ABL2: variants seen among roughly 807,000 people sequenced by gnomAD.
ABL2 encodes the protein tyrosine-protein kinase ABL2.
ABL2 carries 49 observed loss-of-function variants against 107.7 expected under a neutral mutation model. The observed-to-expected ratio is 0.45, with a 90% confidence interval of 0.36 to 0.58. The LOEUF (loss-of-function observed/expected upper bound fraction) is 0.58. Among genes scored for constraint, ABL2 ranks in the 20% least tolerant of loss-of-function variants. The pLI, the probability that ABL2 is intolerant of heterozygous loss-of-function variation, is 0.00. For synonymous variants in ABL2, 549 were observed against 548.6 expected, an observed-to-expected ratio of 1.00 and a Z score of -0.01; for missense variants, 1,245 against 1,457.0, an observed-to-expected ratio of 0.85 and a Z score of 2.37.
intron 1 of ABL2, among the ~76,000 whole-genome samples, chr1:179,181,820 GC>G (rs1310071045): frequency 1.3e-5 from 2 of 150,892 alleles, no homozygotes; most frequent in Admixed American, 1.3e-4. Flanking sequence ...TCACTCTATT[GC>G]CCCGGCTGGA....
chr1:179,159,624 A>G lies in ABL2; in HGVS notation c.158-26250T>C, dbSNP rs536469353. On this transcript the variant is annotated intron_variant, in intron 1 of 11. Transcript: ENST00000502732. ...TTGAAGACTTCCTAAAATTTTGATT[A>G]ATAGCCATGGGCTGCTACACTGATT... Among the ~76,000 whole-genome samples, 13 of 152,330 alleles carry G rather than the reference A, an allele frequency of 8.5e-5. No individual in the cohort carries two copies. In the South Asian group the frequency reaches 2.7e-3, roughly 32 times the overall value.
chr1:179,151,369 TTAAG>T, intron 1 of ABL2, among the ~76,000 whole-genome samples: 1 of 152,362 alleles, frequency 6.6e-6, no homozygotes. Flanking sequence ...TCATTTCAGA[TTAAG>T]TAATCTCTTC....
chr1:179,161,785 A>T (rs1659085053), intron 1 of ABL2, among the ~76,000 whole-genome samples: 1 of 152,160 alleles, frequency 6.6e-6, no homozygotes, highest in Admixed American at 6.5e-5. Context: ...GTGTCCCCCA[A>T]AGTTTGTATG....
intron 1 of ABL2, among the ~76,000 whole-genome samples, 174 bp from the exon 2 acceptor site, chr1:179,133,548 C>T (rs1261929078): frequency 6.6e-6 from 1 of 152,210 alleles, no homozygotes; most frequent in Non-Finnish European, 1.5e-5. Flanking sequence ...CTTTAATATA[C>T]ACCATGCTGC....
intron 1 of ABL2, among the ~76,000 whole-genome samples, chr1:179,217,197 AG>A (rs765149256): frequency 2.7e-5 from 4 of 150,504 alleles, no homozygotes; most frequent in African/African-American, 4.9e-5. Flanking sequence ...AGGAGGCTGA[AG>A]CAGGAAAATC....
Position 179,107,794 on chromosome 1 carries a change from C to A in ABL2, c.3473G>T (p.Gly1158Val), listed in dbSNP as rs760140461. Residue 1158 changes from glycine to valine, a missense_variant, in exon 12 of 12, where the codon GGT becomes GTT. Gly to Val is a moderately radical substitution (Grantham distance 109). Transcript: ENST00000502732. ...QELQVSSAAA[G>V]VPGTNPVLNN... ...AAGGACAGGGTTTGTCCCGGGCACA[C>A]CAGCAGCTGCTGAAGAAACCTGTAG... The A allele has an allele frequency of 4.1e-5, 66 of 1,614,102 alleles. No homozygotes were observed. The highest frequency in any genetic ancestry group is 5.4e-5 in the Non-Finnish European group (64 of 1,180,052).
At chr1:179,200,853 G>A (rs1431808391) in intron 1 of ABL2, among the ~76,000 whole-genome samples, 2 of 152,216 alleles carry the variant, frequency 1.3e-5, no homozygotes, top group Non-Finnish European at 2.9e-5. Flanking sequence ...CCAGGCGCAA[G>A]TGTCCAAGTC....
Position 179,126,803 on chromosome 1 carries a change from T to C in ABL2, c.392-131A>G. 1 of 1,013,726 alleles carries C rather than the reference T, an allele frequency of 9.9e-7. No individual in the cohort carries two copies. Among genetic ancestry groups the C allele is most frequent in the South Asian group, 2.0e-5 (1 of 50,950 alleles). 62.8% of individuals were successfully genotyped at this position (1,013,726 alleles called of 1,614,324 possible). A position where few individuals can be genotyped will look rare whatever the true frequency, so the allele number is the denominator to read the frequency against. On this transcript the variant is annotated intron_variant, in intron 3 of 11. Transcript: ENST00000502732. The surrounding 1 kb of genome is among the most constrained non-coding windows in gnomAD (Gnocchi z 4.4). ...TAGAACTTTTATGCCAAATTTTTTT[T>C]TTAAATAATGAAAACAAACTTGGCT...
chr1:179,227,375 C>G (rs1663276164), intron 1 of ABL2, among the ~76,000 whole-genome samples: 1 of 152,196 alleles, frequency 6.6e-6, no homozygotes, highest in Admixed American at 6.5e-5. Context: ...ACAGCTGTCT[C>G]CTCACTAGCC....
At chr1:179,225,012 C>G (rs1440357839) in intron 1 of ABL2, among the ~76,000 whole-genome samples, 1 of 152,042 alleles carries the variant, frequency 6.6e-6, no homozygotes, top group African/African-American at 2.4e-5. Flanking sequence ...GGTGGCAGAG[C>G]AAGACCTTTC....
intron 1 of ABL2, among the ~76,000 whole-genome samples, chr1:179,135,822 G>C (rs993693267): frequency 4.0e-5 from 6 of 148,190 alleles, no homozygotes; most frequent in Non-Finnish European, 6.0e-5. Flanking sequence ...CCGGGAGGGA[G>C]GGAGGTGGGG....
Position 179,109,244 on chromosome 1 carries a change from T to C in ABL2, c.2023A>G (p.Met675Val). Reference protein sequence around the residue: ...PPKRSSSFREMENQPHKKYEL... With the variant: ...PPKRSSSFREVENQPHKKYEL... Reference sequence around the variant, plus strand: ...TATTTCTTATGGGGCTGATTCTCCATTTCTCGGAAGGAGCTGCTGCGTTTG... The same window carrying C: ...TATTTCTTATGGGGCTGATTCTCCACTTCTCGGAAGGAGCTGCTGCGTTTG... The change falls in exon 12 of 12, where the codon ATG (methionine) becomes GTG (valine). Residue 675 changes from methionine (M) to valine (V), a missense_variant. Met to Val is a conservative substitution (Grantham distance 21). Coordinates refer to ENST00000502732, the MANE Select transcript of ABL2 (RefSeq NM_007314.4). 1 of 1,614,122 alleles carries C rather than the reference T, an allele frequency of 6.2e-7. No individual in the cohort carries two copies. The highest frequency in any genetic ancestry group is 8.5e-7 in the Non-Finnish European group (1 of 1,180,006).
intron 1 of ABL2, among the ~76,000 whole-genome samples, chr1:179,181,668 T>C (rs1660380092): frequency 6.6e-6 from 1 of 152,226 alleles, no homozygotes; most frequent in Non-Finnish European, 1.5e-5. Flanking sequence ...ATACCATGTT[T>C]TATATTTCCA....
At chr1:179,202,130 T>C (rs112337258) in intron 1 of ABL2, among the ~76,000 whole-genome samples, 8 of 152,052 alleles carry the variant, frequency 5.3e-5, no homozygotes, top group African/African-American at 1.7e-4. Context: ...GGGATAAATA[T>C]CATTTGATGC....
chr1:179,226,064 A>G (rs1196526634), intron 1 of ABL2, among the ~76,000 whole-genome samples: 1 of 149,346 alleles, frequency 6.7e-6, no homozygotes, highest in Non-Finnish European at 1.5e-5. Flanking sequence ...AAAAAAAAAA[A>G]AAAAAAGAAA....
At chr1:179,151,789 G>A (rs531153240) in intron 1 of ABL2, among the ~76,000 whole-genome samples, 1 of 152,242 alleles carries the variant, frequency 6.6e-6, no homozygotes, top group African/African-American at 2.4e-5. Context: ...ATGCTGAAAT[G>A]ATAAAATTCT....
intron 1 of ABL2, among the ~76,000 whole-genome samples, chr1:179,194,224 C>T (rs1372932032): frequency 6.6e-6 from 1 of 152,134 alleles, no homozygotes; most frequent in Admixed American, 6.5e-5. Context: ...ATACCATTTC[C>T]AGTGTTTCAA....
intron 1 of ABL2, among the ~76,000 whole-genome samples, chr1:179,186,467 C>T (rs1038531681): frequency 2.0e-5 from 3 of 152,016 alleles, no homozygotes; most frequent in Admixed American, 6.6e-5. Context: ...AAATCTCCGC[C>T]TCCTGAGTTC....
chr1:179,229,487 TCTCC>T lies in ABL2; in HGVS notation c.-94_-91del. Reference sequence around the variant, plus strand: ...TCGGGCTCCTGGCGCTGCTCCGGTCTCTCCCTCCCAGCCCAGGCCCTGGCCCTGA... The same window carrying T: ...TCGGGCTCCTGGCGCTGCTCCGGTCTCTCCCAGCCCAGGCCCTGGCCCTGA... On this transcript the variant is annotated 5_prime_UTR_variant, in exon 1 of 12. Transcript: ENST00000502732. 1 of 1,334,442 alleles carries T rather than the reference TCTCC, an allele frequency of 7.5e-7. No homozygotes were observed. The allele number at this position is 1,334,442 out of a possible 1,614,324, so 82.7% of individuals were successfully genotyped here.
Sources: allele counts gnomAD v4.1 joint callset (sites outside exome capture counted in the v4.1 genomes callset), GRCh38; gene constraint gnomAD v4.1.1; non-coding constraint Gnocchi (gnomAD v3.1); transcripts MANE v1.5; gene names NCBI Gene and HGNC (gene_info 2026-07-23, HGNC 2026-07-21).